Variants in ZBTB20 observed in about 807,000 individuals in gnomAD.
ZBTB20 encodes zinc finger and BTB domain containing 20.
ZBTB20 carries 9 observed loss-of-function variants against 56.9 expected under a neutral mutation model. That is an observed-to-expected ratio of 0.16 (90% CI 0.10 to 0.28). The LOEUF is 0.28. Among genes scored for constraint, ZBTB20 ranks in the 10% least tolerant of loss-of-function variants. The probability of loss-of-function intolerance (pLI) is 1.00; values close to 1 mark genes in which losing one functional copy is unlikely to be tolerated. For missense variants in ZBTB20, 655 were observed against 1,003.0 expected (o/e 0.65, Z 4.69); for synonymous variants, 417 against 420.7 (o/e 0.99, Z 0.11).
At chr3:114,574,132 C>T (rs554605523) in intron 6 of ZBTB20, among the ~76,000 whole-genome samples, 2 of 152,114 alleles carry the variant, frequency 1.3e-5, no homozygotes, top group African/African-American at 4.8e-5. Flanking sequence ...ATCTAATTTG[C>T]ATATATGATA....
intron 6 of ZBTB20, among the ~76,000 whole-genome samples, chr3:114,665,149 T>C (rs1476477244): frequency 1.3e-5 from 2 of 151,282 alleles, no homozygotes; most frequent in African/African-American, 4.8e-5. Flanking sequence ...ATGAACCACA[T>C]ATATCTATAC....
rs537248243 is a variant in ZBTB20, at chr3:115,108,143, TAA to T, written c.-702-36731_-702-36730del. On this transcript the variant is annotated intron_variant, in intron 1 of 11. Coordinates refer to ENST00000675478, the MANE Select transcript of ZBTB20 (RefSeq NM_001348800.3). ...GGTTCTGTGCATGTATCCTGGAACT[TAA>T]AAAAAAAAAAAGATATTCCCATACA... 8.4e-5 allele frequency among the ~76,000 whole-genome samples: 12 copies of T among 143,124 alleles called. 1 individual carries two copies. The highest frequency in any genetic ancestry group is 2.8e-4 in the Admixed American group (4 of 14,436). The allele number at this position is 143,124 out of a possible 152,430, so 93.9% of individuals were successfully genotyped here. A position where few individuals can be genotyped will look rare whatever the true frequency, so the allele number is the denominator to read the frequency against.
At chr3:114,497,397 C>G (rs1197488746) in intron 7 of ZBTB20, among the ~76,000 whole-genome samples, 1 of 152,224 alleles carries the variant, frequency 6.6e-6, no homozygotes, top group East Asian at 1.9e-4. Context: ...CCAGCCCAAT[C>G]TCATACTACT....
chr3:115,091,790 T>C (rs1348809760), intron 1 of ZBTB20, among the ~76,000 whole-genome samples: 3 of 151,896 alleles, frequency 2.0e-5, no homozygotes, highest in Non-Finnish European at 4.4e-5. Flanking sequence ...CTCAAATATT[T>C]GCATAGCTCT....
Position 114,314,904 on chromosome 3 carries a change from C to T in ZBTB20, c.*24101G>A, listed in dbSNP as rs751619605. 8 of 151,400 alleles carry T rather than the reference C, an allele frequency of 5.3e-5. No individual in the cohort carries two copies. The highest frequency in any genetic ancestry group is 1.0e-4 in the Non-Finnish European group (7 of 67,910). The allele number at this position is 151,400 out of a possible 1,614,324, so 9.4% of individuals were successfully genotyped here. ...CAGGTAAATATACGTGAGAAAAATA[C>T]GAGGCTAATATTAAATGGCAGGTAA... On this transcript the variant is annotated 3_prime_UTR_variant, in exon 12 of 12. Transcript: ENST00000675478.
chr3:114,456,406 C>T (rs528808297), intron 7 of ZBTB20, among the ~76,000 whole-genome samples: 3 of 152,204 alleles, frequency 2.0e-5, no homozygotes, highest in African/African-American at 2.4e-5. Flanking sequence ...ATTTACAATT[C>T]GCTCTATGAA....
chr3:114,369,153 A>G (rs920777371), intron 10 of ZBTB20, among the ~76,000 whole-genome samples: 1 of 152,242 alleles, frequency 6.6e-6, no homozygotes, highest in Non-Finnish European at 1.5e-5. Flanking sequence ...TATAGGGAAG[A>G]ACGTGATTAC....
intron 6 of ZBTB20, among the ~76,000 whole-genome samples, chr3:114,566,334 G>T (rs117153015): frequency 6.6e-6 from 1 of 152,148 alleles, no homozygotes; most frequent in South Asian, 2.1e-4. Context: ...GTCACACAGC[G>T]AGGATAACAT....
chr3:114,520,260 A>AC (rs1308011731), intron 6 of ZBTB20: 1 of 152,118 alleles, frequency 6.6e-6, no homozygotes, highest in Non-Finnish European at 1.5e-5. Flanking sequence ...AATATGATGT[A>AC]CCCCCCACAC....
chr3:114,637,023 TAGTAAG>T (rs1349875697), intron 6 of ZBTB20, among the ~76,000 whole-genome samples: 1 of 152,032 alleles, frequency 6.6e-6, no homozygotes, highest in African/African-American at 2.4e-5. Context: ...AACCAAAAGC[TAGTAAG>T]AGTGGCTATT....
intron 3 of ZBTB20, among the ~76,000 whole-genome samples, chr3:114,954,347 T>C (rs1308443751): frequency 3.3e-5 from 5 of 152,174 alleles, no homozygotes; most frequent in South Asian, 2.1e-4. Flanking sequence ...TATTTTCTTA[T>C]AAAATCAGTA....
At chr3:114,385,617 C>T (rs1211461430) in intron 8 of ZBTB20, among the ~76,000 whole-genome samples, 1 of 152,098 alleles carries the variant, frequency 6.6e-6, no homozygotes, top group East Asian at 1.9e-4. Flanking sequence ...GCCTGTAATC[C>T]CAGTACTTTG....
At chr3:114,869,920 T>C (rs1262933521) in intron 4 of ZBTB20, among the ~76,000 whole-genome samples, 1 of 152,228 alleles carries the variant, frequency 6.6e-6, no homozygotes, top group Non-Finnish European at 1.5e-5. Flanking sequence ...GGACATGTGA[T>C]AATACATAAA....
chr3:114,720,247 T>A (rs544298985), intron 5 of ZBTB20, among the ~76,000 whole-genome samples: 7 of 149,392 alleles, frequency 4.7e-5, no homozygotes, highest in African/African-American at 1.7e-4. Context: ...CTCTATTATC[T>A]AAATATATTA....
intron 6 of ZBTB20, among the ~76,000 whole-genome samples, chr3:114,623,096 A>G (rs190996357): frequency 2.0e-5 from 3 of 152,294 alleles, no homozygotes; most frequent in Admixed American, 6.5e-5. Flanking sequence ...GATTCTTGAA[A>G]TAGAAAGAAG....
At chr3:114,717,216 T>C (rs1322369451) in intron 5 of ZBTB20, among the ~76,000 whole-genome samples, 1 of 152,166 alleles carries the variant, frequency 6.6e-6, no homozygotes, top group Non-Finnish European at 1.5e-5. Flanking sequence ...GTTTTCTAAA[T>C]AATAAAATTG....
At chr3:114,399,273 G>C (rs960031458) in intron 7 of ZBTB20, among the ~76,000 whole-genome samples, 145 of 152,110 alleles carry the variant, frequency 9.5e-4, no homozygotes, top group African/African-American at 3.4e-3. Context: ...ATAACCTGTG[G>C]AGTATTTTGC....
At chr3:115,024,031 T>A in intron 2 of ZBTB20, among the ~76,000 whole-genome samples, 1 of 151,214 alleles carries the variant, frequency 6.6e-6, no homozygotes, top group Non-Finnish European at 1.5e-5. Context: ...TTCATAACTA[T>A]ACTACATGGT....
chr3:114,567,123 T>C (rs996513945), intron 6 of ZBTB20, among the ~76,000 whole-genome samples: 8 of 152,212 alleles, frequency 5.3e-5, no homozygotes, highest in African/African-American at 1.7e-4. Flanking sequence ...CAGGGTGTTA[T>C]GTGTGTGTTT....
Sources: gnomAD v4.1 joint callset for allele counts (sites outside exome capture counted in the v4.1 genomes callset) on GRCh38, gnomAD v4.1.1 for gene constraint, MANE v1.5 for transcripts, NCBI Gene and HGNC (gene_info 2026-07-23, HGNC 2026-07-21) for gene names.